The following FREM1 variants were observed in gnomAD, a reference collection of about 807,000 sequenced individuals.
The protein encoded by FREM1 is FRAS1 related extracellular matrix 1.
A neutral mutation model predicts 210.1 loss-of-function variants in FREM1; 220 were observed. The ratio of observed to expected loss-of-function variants is 1.05; its 90% CI spans 0.94 to 1.17. The LOEUF (loss-of-function observed/expected upper bound fraction) is 1.17, where lower values mean the gene tolerates loss of function less well. Ranked by LOEUF, FREM1 falls within the 50% of genes most tolerant of loss-of-function variation. FREM1 has a pLI of 0.00. For missense variants in FREM1, 3,454 were observed against 2,675.5 expected (o/e 1.29, Z -6.42); for synonymous variants, 1,189 against 980.2 (o/e 1.21, Z -3.98).
rs1327523624 is a variant in FREM1 at position 14,859,200 on chromosome 9, C to A, written c.614G>T (p.Ser205Ile). The A allele has an allele frequency of 6.3e-7, 1 of 1,586,670 alleles. No homozygotes were observed. The highest frequency in any genetic ancestry group is 1.8e-5 in the Admixed American group (1 of 55,100). ...CATCATACGGGACTCTGGGAAAAAA[C>A]TGTGTGGCTGATCTCCACGAGGTTC... ...PEEPRGDQPH[S>I]FFPESQLRAK... is the part of the protein sequence containing the mutation. Residue 205 changes from serine to isoleucine, a missense_variant, in exon 4 of 37, where the codon AGT (serine) becomes ATT (isoleucine). By Grantham distance (142) the Ser-to-Ile change is moderately radical (BLOSUM62 -2). Coordinates refer to ENST00000380880, the MANE Select transcript of FREM1 (RefSeq NM_001379081.2).
intron 13 of FREM1, among the ~76,000 whole-genome samples, chr9:14,820,373 C>A (rs1287632345): frequency 1.3e-5 from 2 of 152,160 alleles, no homozygotes; most frequent in Non-Finnish European, 2.9e-5. Flanking sequence ...CCCAGGTGGT[C>A]TAGTAAGGTG....
At chr9:14,857,314 T>C (rs1828943667) in intron 5 of FREM1, among the ~76,000 whole-genome samples, 1 of 152,152 alleles carries the variant, frequency 6.6e-6, no homozygotes, top group South Asian at 2.1e-4. Flanking sequence ...CCTTCCCAAG[T>C]TGCTGTACTG....
chr9:14,838,461 G>A (rs989035963), intron 10 of FREM1, among the ~76,000 whole-genome samples: 3 of 151,154 alleles, frequency 2.0e-5, no homozygotes, highest in Non-Finnish European at 2.9e-5. Context: ...CACTGATATC[G>A]GAGTTTTAAA....
At chr9:14,748,368 G>A (rs973464422) in intron 31 of FREM1, 33 bp downstream of exon 31, 4 of 1,163,382 alleles carry the variant, frequency 3.4e-6, no homozygotes, top group Non-Finnish European at 5.1e-6. Context: ...TATGTATTTT[G>A]CACATCATTT....
In FREM1 at chr9:14,747,356, T is replaced by C. The variant is rs765024237; in HGVS notation, c.5917A>G (p.Ile1973Val). 1.9e-6 allele frequency: 3 copies of C among 1,613,668 alleles called. No individual in the cohort carries two copies. In the South Asian group the frequency reaches 3.3e-5, roughly 18 times the overall value. ...ATTGTCTTTTGTGGCTGACTAATGA[T>C]GGATACTTTGGCCTTCCTTTTGTGA... ...PTHKRKAKVS[I>V]ISQPQKTIKV... Residue 1973 changes from isoleucine to valine, a missense_variant, in exon 33 of 37, where the codon ATC (isoleucine) becomes GTC (valine). Transcript: ENST00000380880.
chr9:14,819,289 G>A lies in FREM1; in HGVS notation c.2491C>T (p.Pro831Ser), dbSNP rs1438943666. The change falls in exon 14 of 37, where the codon CCT becomes TCT. Residue 831 changes from proline to serine, a missense_variant. Transcript: ENST00000380880. ...LHGRVELNGFPLNSGGTFSWG... is the reference protein window; with the variant it reads ...LHGRVELNGFSLNSGGTFSWG... The stretch of plus-strand genomic sequence containing the variant: ...GAAAATGTGCCCCCTGAATTTAGAG[G>A]AAATCCATTCAGCTCCACCCTTCCG... 6.2e-7 allele frequency: 1 copy of A among 1,613,838 alleles called. No individual in the cohort carries two copies. The highest frequency in any genetic ancestry group is 8.5e-7 in the Non-Finnish European group (1 of 1,179,814).
In FREM1 at chr9:14,812,977, T is replaced by C. The variant is rs1367756622; in HGVS notation, c.2728A>G (p.Thr910Ala). 6.2e-7 allele frequency: 1 copy of C among 1,613,948 alleles called. No individual in the cohort carries two copies. The highest frequency in any genetic ancestry group is 2.2e-5 in the East Asian group (1 of 44,886). ...TCAGTAGCAAAAATGTATTCAGAGG[T>C]GATGACCACCTCTCCTCCCTCTGAG... ...NCSEGGEVVITSEYIFATDVD... is the reference protein window; with the variant it reads ...NCSEGGEVVIASEYIFATDVD... The change falls in exon 16 of 37, where the codon ACC becomes GCC. Residue 910 changes from threonine to alanine, a missense_variant. By Grantham distance (58) the Thr-to-Ala change is moderately conservative. Coordinates refer to ENST00000380880, the MANE Select transcript of FREM1 (RefSeq NM_001379081.2).
chr9:14,848,934 CA>C, intron 6 of FREM1, among the ~76,000 whole-genome samples, 161 bp from the exon 7 acceptor site: 1 of 152,176 alleles, frequency 6.6e-6, no homozygotes, highest in East Asian at 1.9e-4. Context: ...TTGACTTTTT[CA>C]GGTTCTAGAT....
chr9:14,751,524 G>A (rs1474206020), intron 29 of FREM1, among the ~76,000 whole-genome samples: 1 of 152,118 alleles, frequency 6.6e-6, no homozygotes, highest in Non-Finnish European at 1.5e-5. Context: ...GGTGGGCGTG[G>A]TGGCACGTGC....
intron 25 of FREM1, 91 bp downstream of exon 25, chr9:14,775,698 A>G: frequency 6.7e-6 from 5 of 750,672 alleles, no homozygotes; most frequent in Non-Finnish European, 8.0e-6. Flanking sequence ...ACAGAGAGAG[A>G]CTCCCTCTCA....
At chr9:14,858,420 G>C (rs1341920998) in intron 4 of FREM1, among the ~76,000 whole-genome samples, 5 of 151,648 alleles carry the variant, frequency 3.3e-5, no homozygotes, top group African/African-American at 1.2e-4. Context: ...GACTGGTCTT[G>C]AAACCCTGGC....
intron 1 of FREM1, among the ~76,000 whole-genome samples, chr9:14,895,084 G>A (rs1837471172): frequency 1.3e-5 from 2 of 152,200 alleles, no homozygotes; most frequent in African/African-American, 2.4e-5. Flanking sequence ...GACCTCAGGA[G>A]GAGAGGAATT....
chr9:14,864,690 C>G (rs1482592977), intron 2 of FREM1, among the ~76,000 whole-genome samples: 1 of 152,188 alleles, frequency 6.6e-6, no homozygotes, highest in Non-Finnish European at 1.5e-5. Flanking sequence ...TCATTCTGCC[C>G]AATCTGACTC....
intron 35 of FREM1, among the ~76,000 whole-genome samples, chr9:14,744,388 C>A (rs936597793): frequency 6.6e-6 from 1 of 152,072 alleles, no homozygotes; most frequent in African/African-American, 2.4e-5. Context: ...AACGTTACCT[C>A]GTGCTATTTT....
chr9:14,870,298 T>G (rs1405306019), intron 1 of FREM1, among the ~76,000 whole-genome samples: 1 of 152,224 alleles, frequency 6.6e-6, no homozygotes, highest in Non-Finnish European at 1.5e-5. Context: ...AGGCAGTGCC[T>G]GACTTGTGTC....
chr9:14,814,496 T>C (rs1221191813), intron 15 of FREM1, among the ~76,000 whole-genome samples: 2 of 152,338 alleles, frequency 1.3e-5, no homozygotes, highest in Middle Eastern at 3.4e-3. Context: ...CAAATATACA[T>C]GAAATTTAAT....
intron 5 of FREM1, among the ~76,000 whole-genome samples, chr9:14,852,871 G>C (rs1179257692): frequency 6.6e-6 from 1 of 152,206 alleles, no homozygotes; most frequent in Non-Finnish European, 1.5e-5. Flanking sequence ...TCCAATAAAA[G>C]AGATTAGATG....
chr9:14,797,970 G>C (rs554821949), intron 20 of FREM1, among the ~76,000 whole-genome samples: 1 of 152,078 alleles, frequency 6.6e-6, no homozygotes, highest in East Asian at 1.9e-4. Context: ...AAATTATAGA[G>C]TTATATCCCT....
At chr9:14,793,059 C>T (rs759427737) in intron 21 of FREM1, among the ~76,000 whole-genome samples, 175 bp from the exon 22 acceptor site, 2 of 152,206 alleles carry the variant, frequency 1.3e-5, no homozygotes, top group East Asian at 1.9e-4. Context: ...TACCCTCACA[C>T]GTGAAAGTCT....
Sources: allele counts gnomAD v4.1 joint callset (sites outside exome capture counted in the v4.1 genomes callset), GRCh38; gene constraint gnomAD v4.1.1; transcripts MANE v1.5; gene names NCBI Gene and HGNC (gene_info 2026-07-23, HGNC 2026-07-21).